Variants in EPCAM observed in about 807,000 individuals in gnomAD.
The protein encoded by EPCAM is adenocarcinoma-associated antigen.
A neutral mutation model predicts 40.0 loss-of-function variants in EPCAM; 39 were observed. The ratio of observed to expected loss-of-function variants is 0.98; its 90% CI spans 0.76 to 1.27. The LOEUF (loss-of-function observed/expected upper bound fraction) is 1.27. EPCAM is among the 50% of genes most tolerant of loss of function. The probability of loss-of-function intolerance (pLI) is 0.00; values close to 1 mark genes in which losing one functional copy is unlikely to be tolerated. For synonymous variants in EPCAM, 168 were observed against 132.3 expected, an observed-to-expected ratio of 1.27 and a Z score of -1.85; for missense variants, 503 against 381.2, an observed-to-expected ratio of 1.32 and a Z score of -2.66.
intron 7 of EPCAM, among the ~76,000 whole-genome samples, chr2:47,384,912 G>A (rs373183509): frequency 6.6e-6 from 1 of 152,140 alleles, no homozygotes; most frequent in African/African-American, 2.4e-5. Flanking sequence ...TCACCGTGTT[G>A]GCTGGGCTGG....
chr2:47,381,392 C>CAAAAAAA (rs370875469), intron 7 of EPCAM, among the ~76,000 whole-genome samples: 4 of 74,332 alleles, frequency 5.4e-5, no homozygotes, highest in Non-Finnish European at 8.3e-5. Flanking sequence ...AACTCCGTCT[C>CAAAAAAA]AAAAAAAAAA....
Position 47,386,816 on chromosome 2 carries a change from A to G in EPCAM, c.*203A>G, listed in dbSNP as rs1034226700. The G allele has an allele frequency of 2.2e-6, 1 of 451,470 alleles. No individual in the cohort carries two copies. Among genetic ancestry groups the G allele is most frequent in the African/African-American group, 2.0e-5 (1 of 51,168 alleles). The allele number at this position is 451,470 out of a possible 1,614,324, so 28.0% of individuals were successfully genotyped here. ...CTTGAAATTTGACCACAAGTGTCTT[A>G]TATATGCAGATCTAATGTAAAATCC... On this transcript the variant is annotated 3_prime_UTR_variant, in exon 9 of 9. Transcript: ENST00000263735.
chr2:47,383,501 C>T (rs1250900207), intron 7 of EPCAM: 2 of 149,902 alleles, frequency 1.3e-5, no homozygotes, highest in African/African-American at 4.9e-5. Flanking sequence ...GACAGGGTTT[C>T]ACCATATTGG....
At position 47,386,570 on chromosome 2, in the gene EPCAM, A is replaced by G. The variant is rs878854496; in HGVS notation, c.904-2A>G. ...TTTTTTCTGTGCTTTTTCCTGTTTC[A>G]GATAAAGGAGATGGGTGAGATGCAT... On this transcript the variant is annotated splice_acceptor_variant, in intron 8 of 8. Coordinates refer to ENST00000263735, the MANE Select transcript of EPCAM (RefSeq NM_002354.3). LOFTEE classifies it high-confidence loss of function. The G allele has an allele frequency of 1.2e-6, 2 of 1,600,162 alleles. No individual in the cohort carries two copies. The highest frequency in any genetic ancestry group is 4.5e-5 in the East Asian group (2 of 44,708).
chr2:47,370,581 A>C (rs1671233856), intron 1 of EPCAM, among the ~76,000 whole-genome samples: 1 of 139,690 alleles, frequency 7.2e-6, no homozygotes, highest in Non-Finnish European at 1.5e-5. Flanking sequence ...GGCCTATTTT[A>C]TTTTTTTATT....
chr2:47,369,338 G>A lies in EPCAM; in HGVS notation c.-168G>A, dbSNP rs921451344. On this transcript the variant is annotated 5_prime_UTR_variant, in exon 1 of 9. Coordinates refer to ENST00000263735, the MANE Select transcript of EPCAM (RefSeq NM_002354.3). Reference sequence around the variant, plus strand: ...AGAGCGCTAGTCCTTCGGCGAGCGAGCACCTTCGACGCGGTCCGGGGACCC... The same window carrying A: ...AGAGCGCTAGTCCTTCGGCGAGCGAACACCTTCGACGCGGTCCGGGGACCC... The A allele has an allele frequency of 3.1e-6, 4 of 1,293,346 alleles. No individual in the cohort carries two copies. The highest frequency in any genetic ancestry group is 3.9e-5 in the Admixed American group (1 of 25,370). The allele number at this position is 1,293,346 out of a possible 1,614,324, so 80.1% of individuals were successfully genotyped here.
At position 47,369,325 on chromosome 2, in the gene EPCAM, C is replaced by T. The variant is rs1437241857; in HGVS notation, c.-181C>T. The stretch of plus-strand genomic sequence containing the variant: ...CCGCCGCGCGCACAGAGCGCTAGTC[C>T]TTCGGCGAGCGAGCACCTTCGACGC... On this transcript the variant is annotated 5_prime_UTR_variant, in exon 1 of 9. Coordinates refer to ENST00000263735, the MANE Select transcript of EPCAM (RefSeq NM_002354.3). 13 of 1,331,688 alleles carry T rather than the reference C, an allele frequency of 9.8e-6. No homozygotes were observed. The highest frequency in any genetic ancestry group is 3.1e-5 in the East Asian group (1 of 32,278). 82.5% of individuals were successfully genotyped at this position (1,331,688 alleles called of 1,614,324 possible).
chr2:47,377,227 C>T, intron 5 of EPCAM, 150 bp downstream of exon 5: 1 of 694,060 alleles, frequency 1.4e-6, no homozygotes, highest in Non-Finnish European at 2.6e-6. Context: ...TTTCCTGTTA[C>T]TGTTTTTTTT....
chr2:47,381,428 C>G lies in EPCAM; in HGVS notation c.858+1459C>G, dbSNP rs528442519. ...AAAAAAAAAAGAAATCTTACTAACA[C>G]AACAGAATTCAGAAAGAGGTTTGAG... On this transcript the variant is annotated intron_variant, in intron 7 of 8. Coordinates refer to ENST00000263735, the MANE Select transcript of EPCAM (RefSeq NM_002354.3). Among the ~76,000 whole-genome samples the G allele has an allele frequency of 2.0e-5, 3 of 148,434 alleles. No individual in the cohort carries two copies. In the East Asian group the frequency reaches 6.0e-4, roughly 29 times the overall value.
At chr2:47,382,811 A>G (rs1671627470) in intron 7 of EPCAM, among the ~76,000 whole-genome samples, 1 of 152,186 alleles carries the variant, frequency 6.6e-6, no homozygotes, top group Non-Finnish European at 1.5e-5. Flanking sequence ...AATGAGTTCG[A>G]TCTTTATCTT....
Position 47,380,066 on chromosome 2 carries a change from T to C in EPCAM, c.858+97T>C, listed in dbSNP as rs955432309. 2.2e-5 allele frequency: 34 copies of C among 1,535,392 alleles called. 1 individual carries two copies. Among genetic ancestry groups the C allele is most frequent in the East Asian group, 9.8e-5 (4 of 40,668 alleles). ...GGTGGCTCACCACACCTGTTATCCC[T>C]ACACTTTGGGAGGCTGAGACAGGTG... On this transcript the variant is annotated intron_variant, in intron 7 of 8. Coordinates refer to ENST00000263735, the MANE Select transcript of EPCAM (RefSeq NM_002354.3).
At chr2:47,370,572 G>C (rs868509906) in intron 1 of EPCAM, among the ~76,000 whole-genome samples, 5 of 148,014 alleles carry the variant, frequency 3.4e-5, no homozygotes, top group African/African-American at 1.3e-4. Context: ...ACCGTGCCCG[G>C]CCTATTTTAT....
intron 5 of EPCAM, among the ~76,000 whole-genome samples, chr2:47,378,749 C>G (rs1380438894): frequency 1.3e-5 from 2 of 152,084 alleles, no homozygotes; most frequent in African/African-American, 4.8e-5. Flanking sequence ...GCATGGCTGT[C>G]TTATTTCCCT....
intron 8 of EPCAM, 149 bp downstream of exon 8, chr2:47,385,359 C>T (rs1167406025): frequency 2.8e-6 from 2 of 707,878 alleles, no homozygotes; most frequent in Non-Finnish European, 5.1e-6. Context: ...TTAGAATGTA[C>T]TCTTACCTAA....
rs186107259 is a variant in EPCAM at position 47,384,402 on chromosome 2, C to T, written c.859-764C>T. Among the ~76,000 whole-genome samples, 49 of 149,542 alleles carry T rather than the reference C, an allele frequency of 3.3e-4. No homozygotes were observed. The East Asian group carries it at 8.7e-3, about 26-fold the overall frequency. On this transcript the variant is annotated intron_variant, in intron 7 of 8. Transcript: ENST00000263735. ...TACAGGCATGAGCCATCATGCCTGA[C>T]CTATTTTATTTTATTTTAATTTTTT...
At chr2:47,375,758 T>G (rs1434890002) in intron 4 of EPCAM, among the ~76,000 whole-genome samples, 1 of 151,566 alleles carries the variant, frequency 6.6e-6, no homozygotes, top group Non-Finnish European at 1.5e-5. Flanking sequence ...CAGGCTGGCG[T>G]GCAGTGGCGT....
rs1254684910 is a variant in EPCAM, at chr2:47,375,265, A to G, written c.457A>G (p.Arg153Gly). 1.9e-6 allele frequency: 3 copies of G among 1,611,766 alleles called. No homozygotes were observed. Among genetic ancestry groups the G allele is most frequent in the Non-Finnish European group, 2.5e-6 (3 of 1,178,080 alleles). The change falls in exon 4 of 9, where the codon AGA (arginine) becomes GGA (glycine). Residue 153 changes from arginine to glycine, a missense_variant. By Grantham distance (125) the Arg-to-Gly change is moderately radical (BLOSUM62 -2). Transcript: ENST00000263735. ...CATCATTGAACTAAAACACAAAGCA[A>G]GAGAAAAACCTTATGATAGTAAAAG... ...WIIIELKHKA[R>G]EKPYDSKSLR...
rs543584983 is a variant in EPCAM, at chr2:47,373,497, C to G, written c.111C>G (p.Asn37Lys). Reference protein sequence around the residue: ...CVCENYKLAVNCFVNNNRQCQ... With the variant: ...CVCENYKLAVKCFVNNNRQCQ... The stretch of plus-strand genomic sequence containing the variant: ...GTGAAAACTACAAGCTGGCCGTAAA[C>G]TGCTTTGTGAATAATAATCGTCAAT... The change falls in exon 2 of 9, where the codon AAC becomes AAG. Residue 37 changes from asparagine to lysine, a missense_variant. By Grantham distance (94) the Asn-to-Lys change is moderately conservative. Transcript: ENST00000263735. The G allele has an allele frequency of 3.4e-5, 55 of 1,613,284 alleles. No individual in the cohort carries two copies. Among genetic ancestry groups the G allele is most frequent in the Admixed American group, 1.0e-4 (6 of 59,964 alleles).
rs1381786519 is a variant in EPCAM, at chr2:47,373,862, G to A, written c.239G>A (p.Arg80Lys). The A allele has an allele frequency of 6.2e-7, 1 of 1,613,974 alleles. No individual in the cohort carries two copies. The highest frequency in any genetic ancestry group is 1.3e-5 in the African/African-American group (1 of 74,894). ...GAAATGAATGGCTCAAAACTTGGGAGAAGAGCAAAACCTGAAGGGGCCCTC... is the reference window on the plus strand; with the variant it reads ...GAAATGAATGGCTCAAAACTTGGGAAAAGAGCAAAACCTGAAGGGGCCCTC... ...KAEMNGSKLGRRAKPEGALQN... is the reference protein window; with the variant it reads ...KAEMNGSKLGKRAKPEGALQN... Residue 80 changes from arginine to lysine, a missense_variant, in exon 3 of 9, where the codon AGA becomes AAA. Transcript: ENST00000263735.
Sources: gnomAD v4.1 joint callset for allele counts (sites outside exome capture counted in the v4.1 genomes callset) on GRCh38, gnomAD v4.1.1 for gene constraint, MANE v1.5 for transcripts, NCBI Gene and HGNC (gene_info 2026-07-23, HGNC 2026-07-21) for gene names.